The following WWOX variants were observed in gnomAD, a reference collection of about 807,000 sequenced individuals.
The protein encoded by WWOX is WW domain-containing oxidoreductase.
Under a neutral mutation model 46.2 loss-of-function variants are expected in WWOX, and 69 were observed. That is an observed-to-expected ratio of 1.49 (90% CI 1.23 to 1.82). The LOEUF (loss-of-function observed/expected upper bound fraction) is 1.82, where lower values mean the gene tolerates loss of function less well. Ranked by LOEUF, WWOX falls within the 40% of genes most tolerant of loss-of-function variation. The pLI is 0.00. For synonymous variants in WWOX, 359 were observed against 202.6 expected (o/e 1.77, Z -6.56); for missense variants, 919 against 542.6 (o/e 1.69, Z -6.89).
chr16:78,607,023 A>G (rs1406451497), intron 8 of WWOX, among the ~76,000 whole-genome samples: 1 of 152,196 alleles, frequency 6.6e-6, no homozygotes, highest in South Asian at 2.1e-4. Flanking sequence ...AACCTGGTGA[A>G]CTGAATAGAG....
intron 6 of WWOX, among the ~76,000 whole-genome samples, chr16:78,419,459 T>A (rs2082872487): frequency 6.6e-6 from 1 of 151,924 alleles, no homozygotes; most frequent in Non-Finnish European, 1.5e-5. Flanking sequence ...TAAAATAGAC[T>A]TGAGAGTCCA....
intron 8 of WWOX, among the ~76,000 whole-genome samples, chr16:78,943,389 G>A (rs865826436): frequency 6.8e-6 from 1 of 147,888 alleles, no homozygotes; most frequent in South Asian, 2.1e-4. Context: ...TCCTCCGACT[G>A]CATCGCCACT....
At chr16:78,275,451 C>A (rs200988957) in intron 5 of WWOX, among the ~76,000 whole-genome samples, 2 of 152,324 alleles carry the variant, frequency 1.3e-5, no homozygotes, top group South Asian at 4.1e-4. Flanking sequence ...CTGGCTGGTC[C>A]GTACGCATCC....
intron 8 of WWOX, among the ~76,000 whole-genome samples, chr16:78,527,766 C>T (rs1455531080): frequency 7.2e-6 from 1 of 138,666 alleles, no homozygotes; most frequent in Non-Finnish European, 1.6e-5. Flanking sequence ...CCAGGGAATG[C>T]ATGTCAATAT....
chr16:78,540,020 TCACACACACACACACACA>T (rs71140810), intron 8 of WWOX, among the ~76,000 whole-genome samples: 4 of 132,924 alleles, frequency 3.0e-5, no homozygotes, highest in Admixed American at 7.6e-5. Flanking sequence ...TCTCTCTCTC[TCACACACACACACACACA>T]CACACACACA....
At chr16:78,485,434 T>A (rs1461714192) in intron 8 of WWOX, among the ~76,000 whole-genome samples, 1 of 152,204 alleles carries the variant, frequency 6.6e-6, no homozygotes, top group Non-Finnish European at 1.5e-5. Context: ...CCCCCTCAAC[T>A]TCCATAGGAA....
At chr16:78,613,768 C>G (rs969867960) in intron 8 of WWOX, among the ~76,000 whole-genome samples, 19 of 152,138 alleles carry the variant, frequency 1.2e-4, no homozygotes, top group African/African-American at 4.3e-4. Flanking sequence ...AAGATCCCAA[C>G]CCCTTATCAG....
Position 78,108,404 on chromosome 16 carries a change from A to AT in WWOX, c.108-13dup, listed in dbSNP as rs146697931. 0.038 allele frequency: 57,753 copies of AT among 1,531,568 alleles called. 780 individuals carry two copies. Among genetic ancestry groups the AT allele is most frequent in the African/African-American group, 0.17 (12,292 of 72,386 alleles). The allele number at this position is 1,531,568 out of a possible 1,614,324, so 94.9% of individuals were successfully genotyped here. A position where few individuals can be genotyped will look rare whatever the true frequency, so the allele number is the denominator to read the frequency against. On this transcript the variant is annotated intron_variant, in intron 1 of 8. Transcript: ENST00000566780. ...AGTTAATTTTTACTTATTACTGTGG[A>AT]TTTTTTGTTTTTTAACAGTCACACC...
intron 8 of WWOX, among the ~76,000 whole-genome samples, chr16:78,626,556 C>G (rs1221841027): frequency 1.3e-5 from 2 of 152,162 alleles, no homozygotes; most frequent in East Asian, 1.9e-4. Flanking sequence ...TTCATCATGA[C>G]TCTTCACTGT....
chr16:78,944,491 C>T (rs1398921053), intron 8 of WWOX, among the ~76,000 whole-genome samples: 2 of 152,118 alleles, frequency 1.3e-5, no homozygotes, highest in Admixed American at 6.6e-5. Context: ...AAAACTGGTC[C>T]TCAAGATACA....
chr16:78,968,128 G>A (rs77005992), intron 8 of WWOX, among the ~76,000 whole-genome samples: 4 of 7,180 alleles, frequency 5.6e-4, no homozygotes, highest in Non-Finnish European at 1.1e-3. Context: ...GGCACAGCGC[G>A]TGGTCCGTGT....
chr16:78,157,817 T>G (rs77412433), intron 4 of WWOX, among the ~76,000 whole-genome samples: 81 of 152,282 alleles, frequency 5.3e-4, no homozygotes, highest in East Asian at 4.4e-3. Flanking sequence ...TAGGAGCAAG[T>G]TTTAATTTTT....
intron 8 of WWOX, among the ~76,000 whole-genome samples, chr16:79,087,910 G>T (rs1264774693): frequency 6.6e-6 from 1 of 152,154 alleles, no homozygotes; most frequent in East Asian, 1.9e-4. Context: ...CTGGACTCAA[G>T]GAGGCCTAGG....
rs577694476 is a variant in WWOX, at chr16:78,204,889, C to G, written c.516+40600C>G. Among the ~76,000 whole-genome samples, 320 of 152,222 alleles carry G rather than the reference C, an allele frequency of 2.1e-3. 4 individuals carry two copies. The highest frequency in any genetic ancestry group is 7.4e-3 in the African/African-American group (308 of 41,520). On this transcript the variant is annotated intron_variant, in intron 5 of 8. Coordinates refer to ENST00000566780, the MANE Select transcript of WWOX (RefSeq NM_016373.4). ...CCATTAGTTAGGTAAATTTAGACCACCATATTTTCTAAGATCAGAGAATAG... is the reference window on the plus strand; with the variant it reads ...CCATTAGTTAGGTAAATTTAGACCAGCATATTTTCTAAGATCAGAGAATAG...
In WWOX at chr16:79,212,139, C is replaced by G. The variant is rs1302399852; in HGVS notation, c.*343C>G. The G allele has an allele frequency of 2.6e-6, 4 of 1,520,918 alleles. No homozygotes were observed. The highest frequency in any genetic ancestry group is 1.4e-5 in the African/African-American group (1 of 72,294). The allele number at this position is 1,520,918 out of a possible 1,614,324, so 94.2% of individuals were successfully genotyped here. On this transcript the variant is annotated 3_prime_UTR_variant, in exon 9 of 9. Transcript: ENST00000566780. ...TACTGTTATAGAATAGCCTGAGGTC[C>G]CCTCGTCCCATCCAGCTACCACCAC...
chr16:78,806,336 G>C (rs1460199848), intron 8 of WWOX, among the ~76,000 whole-genome samples: 1 of 152,080 alleles, frequency 6.6e-6, no homozygotes, highest in Non-Finnish European at 1.5e-5. Flanking sequence ...CTATATTCCA[G>C]TAACAATTGT....
chr16:78,124,660 C>T (rs1158923546), intron 4 of WWOX, among the ~76,000 whole-genome samples: 4 of 152,214 alleles, frequency 2.6e-5, no homozygotes, highest in African/African-American at 9.7e-5. Flanking sequence ...TCTCAGTCTA[C>T]ACAAGCCTAA....
At chr16:79,068,520 G>A (rs1041366815) in intron 8 of WWOX, among the ~76,000 whole-genome samples, 1 of 152,010 alleles carries the variant, frequency 6.6e-6, no homozygotes, top group Admixed American at 6.5e-5. Flanking sequence ...AGACAGAGAC[G>A]TGGCTGGTCA....
intron 8 of WWOX, among the ~76,000 whole-genome samples, chr16:78,440,882 G>A (rs139253565): frequency 6.6e-6 from 1 of 152,138 alleles, no homozygotes; most frequent in African/African-American, 2.4e-5. Context: ...GCCTTCCAAA[G>A]TGTGGTGGGA....
Sources: allele counts gnomAD v4.1 joint callset (sites outside exome capture counted in the v4.1 genomes callset), GRCh38; gene constraint gnomAD v4.1.1; transcripts MANE v1.5; gene names NCBI Gene and HGNC (gene_info 2026-07-23, HGNC 2026-07-21).